The following TMIGD1 variants were observed in gnomAD, a reference collection of about 807,000 sequenced individuals.
The protein encoded by TMIGD1 is transmembrane and immunoglobulin domain-containing protein 1.
A neutral mutation model predicts 27.5 loss-of-function variants in TMIGD1; 29 were observed. That is an observed-to-expected ratio of 1.05 (90% CI 0.78 to 1.44). The LOEUF (loss-of-function observed/expected upper bound fraction) is 1.44, where lower values mean the gene tolerates loss of function less well. Ranked by LOEUF, TMIGD1 falls within the 40% of genes most tolerant of loss-of-function variation. The pLI, the probability that TMIGD1 is intolerant of heterozygous loss-of-function variation, is 0.00. For missense variants in TMIGD1, 334 were observed against 310.6 expected (o/e 1.08, Z -0.57); for synonymous variants, 109 against 110.3 (o/e 0.99, Z 0.07).
At position 30,321,717 on chromosome 17, in the gene TMIGD1, G is replaced by A. The variant is rs79784012; in HGVS notation, c.641-2804C>T. ...GGGCAAAAACCAGGGAAGAGGGGAA[G>A]AAGTGACTTTAGGTAAATTTAATTT... On this transcript the variant is annotated intron_variant, in intron 4 of 6. Transcript: ENST00000328886. 4.7e-3 allele frequency among the ~76,000 whole-genome samples: 714 copies of A among 152,228 alleles called. 3 individuals are homozygous for A. Among genetic ancestry groups the A allele is most frequent in the South Asian group, 8.5e-3 (41 of 4,820 alleles).
At chr17:30,332,466 G>A (rs1375655694) in intron 1 of TMIGD1, among the ~76,000 whole-genome samples, 1 of 152,166 alleles carries the variant, frequency 6.6e-6, no homozygotes, top group Admixed American at 6.5e-5. Flanking sequence ...TTTCATTTTA[G>A]CAGAATGAAA....
intron 4 of TMIGD1, 78 bp from the exon 5 acceptor site, chr17:30,318,991 C>A: frequency 1.0e-6 from 1 of 995,430 alleles, no homozygotes; most frequent in South Asian, 1.3e-5. Flanking sequence ...GTGCCTTGAA[C>A]TTTATGTGTG....
chr17:30,322,731 ACCT>A (rs1909659147), intron 4 of TMIGD1, among the ~76,000 whole-genome samples: 1 of 151,710 alleles, frequency 6.6e-6, no homozygotes, highest in South Asian at 2.1e-4. Flanking sequence ...CAAACCGCTG[ACCT>A]CCTGATCCAC....
intron 1 of TMIGD1, 78 bp from the exon 2 acceptor site, chr17:30,332,236 A>C (rs1295701032): frequency 3.9e-6 from 3 of 769,270 alleles, no homozygotes; most frequent in African/African-American, 1.8e-5. Context: ...TCTATTATGC[A>C]TTTAAAGTGA....
Position 30,329,304 on chromosome 17 carries a change from C to G in TMIGD1, c.308G>C (p.Cys103Ser). Residue 103 changes from cysteine (C) to serine (S), a missense_variant, in exon 3 of 7, where the codon TGC (cysteine) becomes TCC (serine). Physicochemically the swap from Cys to Ser is moderately radical, Grantham distance 112. Coordinates refer to ENST00000328886, the MANE Select transcript of TMIGD1 (RefSeq NM_206832.3). ...SENDNGISFTCRLGRDQSVSV... is the reference protein window; with the variant it reads ...SENDNGISFTSRLGRDQSVSV... ...CACGGACTGATCCCTCCCCAGCCTG[C>G]AGGTAAAGCTGATTCCGTTGTCATT... 1 of 1,614,072 alleles carries G rather than the reference C, an allele frequency of 6.2e-7. No individual in the cohort carries two copies.
rs1555600534 is a variant in TMIGD1, at chr17:30,319,261, A to ATAT, written c.641-349_641-348insATA. Reference sequence around the variant, plus strand: ...TGTAAAAAAAAAAGAAAAAAAAAAAAATATATATATATATATAGCTGGGCA... The same window carrying ATAT: ...TGTAAAAAAAAAAGAAAAAAAAAAAATATATATATATATATATATAGCTGGGCA... On this transcript the variant is annotated intron_variant, in intron 4 of 6. Transcript: ENST00000328886. 9.0e-4 allele frequency among the ~76,000 whole-genome samples: 62 copies of ATAT among 69,048 alleles called. 3 individuals are homozygous for ATAT. The highest frequency in any genetic ancestry group is 5.0e-3 in the African/African-American group (55 of 11,038). 45.3% of individuals were successfully genotyped at this position (69,048 alleles called of 152,430 possible). A position where few individuals can be genotyped will look rare whatever the true frequency, so the allele number is the denominator to read the frequency against.
chr17:30,316,626 A>G lies in TMIGD1; in HGVS notation c.*61T>C. 3 of 1,560,476 alleles carry G rather than the reference A, an allele frequency of 1.9e-6. No individual in the cohort carries two copies. Among genetic ancestry groups the G allele is most frequent in the Non-Finnish European group, 2.6e-6 (3 of 1,134,372 alleles). ...AATAGCAATAAATACAGATGGGACTACATAAATTGTGGAGGTCCTGATGCA... is the reference window on the plus strand; with the variant it reads ...AATAGCAATAAATACAGATGGGACTGCATAAATTGTGGAGGTCCTGATGCA... On this transcript the variant is annotated 3_prime_UTR_variant, in exon 7 of 7. Coordinates refer to ENST00000328886, the MANE Select transcript of TMIGD1 (RefSeq NM_206832.3).
At chr17:30,326,675 C>T (rs115242049) in intron 3 of TMIGD1, among the ~76,000 whole-genome samples, 1 of 152,180 alleles carries the variant, frequency 6.6e-6, no homozygotes, top group African/African-American at 2.4e-5. Flanking sequence ...TTAAACAATG[C>T]TACAATAAAC....
chr17:30,323,179 AAAAGAAAAAG>A (rs1369978099), intron 4 of TMIGD1, among the ~76,000 whole-genome samples: 2 of 152,162 alleles, frequency 1.3e-5, no homozygotes, highest in Non-Finnish European at 2.9e-5. Context: ...CCAAAAAAAT[AAAAGAAAAAG>A]AAAGAAAAAA....
At chr17:30,316,824 C>G (rs1246319725) in intron 6 of TMIGD1, 134 bp from the exon 7 acceptor site, 1 of 810,438 alleles carries the variant, frequency 1.2e-6, no homozygotes, top group Admixed American at 2.5e-5. Flanking sequence ...GCTAGAAGCG[C>G]TAAACAAAGC....
chr17:30,324,720 A>G, intron 4 of TMIGD1, 96 bp downstream of exon 4: 4 of 1,418,230 alleles, frequency 2.8e-6, no homozygotes, highest in Non-Finnish European at 2.9e-6. Context: ...GGCCCTAATC[A>G]TAACCGTTAT....
Position 30,329,255 on chromosome 17 carries a change from A to T in TMIGD1, c.357T>A (p.Val119=). The change falls in exon 3 of 7, where the codon GTT becomes GTA. Residue 119 remains valine (V), a synonymous_variant. Coordinates refer to ENST00000328886, the MANE Select transcript of TMIGD1 (RefSeq NM_206832.3). The stretch of plus-strand genomic sequence containing the variant: ...GTTTCTTTTCCCCTCACTCACAAGT[A>T]ACATTCAGCACCACCGAAACGGACA... ...QSVSVSVVLN[V]TFPPLLSGND... 5 of 1,612,406 alleles carry T rather than the reference A, an allele frequency of 3.1e-6. No individual in the cohort carries two copies. Among genetic ancestry groups the T allele is most frequent in the Non-Finnish European group, 4.2e-6 (5 of 1,178,546 alleles).
rs748122779 is a variant in TMIGD1 at position 30,329,284 on chromosome 17, A to G, written c.328T>C (p.Ser110Pro). 2.5e-5 allele frequency: 41 copies of G among 1,613,954 alleles called. No individual in the cohort carries two copies. Among genetic ancestry groups the G allele is most frequent in the Non-Finnish European group, 2.3e-5 (27 of 1,180,010 alleles). ...SFTCRLGRDQSVSVSVVLNVT... is the reference protein window; with the variant it reads ...SFTCRLGRDQPVSVSVVLNVT... ...TTCAGCACCACCGAAACGGACACGG[A>G]CTGATCCCTCCCCAGCCTGCAGGTA... The change falls in exon 3 of 7, where the codon TCC (serine) becomes CCC (proline). Residue 110 changes from serine to proline, a missense_variant. Coordinates refer to ENST00000328886, the MANE Select transcript of TMIGD1 (RefSeq NM_206832.3).
At chr17:30,319,261 A>AAAAAAAAAAAAAAAAAAAAATATATAT in intron 4 of TMIGD1, among the ~76,000 whole-genome samples, 7 of 69,028 alleles carry the variant, frequency 1.0e-4, no homozygotes, top group South Asian at 4.2e-4. Flanking sequence ...AAAAAAAAAA[A>AAAAAAAAAAAAAAAAAAAAATATATAT]ATATATATAT....
chr17:30,324,823 A>G lies in TMIGD1; in HGVS notation c.633T>C (p.Ile211=), dbSNP rs1285669050. ...LKTESLDFHL[I]VKDKTVGVPI... Reference sequence around the variant, plus strand: ...ACTTAAAAAGAGCATTACCTTTAACAATCAGGTGAAAGTCCAAGCTCTCCG... The same window carrying G: ...ACTTAAAAAGAGCATTACCTTTAACGATCAGGTGAAAGTCCAAGCTCTCCG... Residue 211 remains isoleucine (I), a synonymous_variant, in exon 4 of 7, where the codon ATT becomes ATC. Transcript: ENST00000328886. 3.1e-6 allele frequency: 5 copies of G among 1,613,758 alleles called. No homozygotes were observed. The highest frequency in any genetic ancestry group is 3.4e-6 in the Non-Finnish European group (4 of 1,179,680).
intron 4 of TMIGD1, among the ~76,000 whole-genome samples, chr17:30,319,274 A>ATATATATATATATATATG (rs1909539512): frequency 7.5e-6 from 1 of 132,724 alleles, no homozygotes; most frequent in Non-Finnish European, 1.6e-5. Flanking sequence ...ATATATATAT[A>ATATATATATATATATATG]TATAGCTGGG....
chr17:30,333,754 A>G lies in TMIGD1; in HGVS notation c.-26+246T>C, dbSNP rs111940488. ...TTTCTATCACAGTGTTGTAACAGTG[A>G]TTACTGCAGAATGTGGTCAATAGTA... On this transcript the variant is annotated intron_variant, in intron 1 of 6. Transcript: ENST00000328886. Among the ~76,000 whole-genome samples, 398 of 152,238 alleles carry G rather than the reference A, an allele frequency of 2.6e-3. 1 individual carries two copies. Among genetic ancestry groups the G allele is most frequent in the Non-Finnish European group, 4.9e-3 (330 of 68,002 alleles).
intron 6 of TMIGD1, 74 bp downstream of exon 6, chr17:30,317,119 T>C: frequency 6.6e-7 from 1 of 1,507,938 alleles, no homozygotes; most frequent in Non-Finnish European, 9.2e-7. Context: ...CTCTGGAGTT[T>C]GTCTAGAGTG....
rs553559025 is a variant in TMIGD1, at chr17:30,327,286, G to A, written c.361+1965C>T. Among the ~76,000 whole-genome samples the A allele has an allele frequency of 2.6e-5, 4 of 152,242 alleles. No homozygotes were observed. In the East Asian group the frequency reaches 7.7e-4, roughly 29 times the overall value. ...ACAAAAATCAGCTCGGCCTGGTGGT[G>A]CACGCCTGTAGTCCCAGCTACTTGG... is the stretch of plus-strand genomic sequence containing the variant. On this transcript the variant is annotated intron_variant, in intron 3 of 6. Transcript: ENST00000328886.
Sources: gnomAD v4.1 joint callset for allele counts (sites outside exome capture counted in the v4.1 genomes callset) on GRCh38, gnomAD v4.1.1 for gene constraint, MANE v1.5 for transcripts, NCBI Gene and HGNC (gene_info 2026-07-23, HGNC 2026-07-21) for gene names.